ADGRD1: variants seen among roughly 807,000 people sequenced by gnomAD.
ADGRD1 encodes G-protein coupled receptor 133.
ADGRD1 carries 77 observed loss-of-function variants against 113.4 expected under a neutral mutation model. The observed-to-expected ratio is 0.68, with a 90% CI of 0.57 to 0.82. The LOEUF is 0.82. Ranked by LOEUF, ADGRD1 falls within the 40% of genes least tolerant of loss-of-function variation. The probability of loss-of-function intolerance (pLI) is 0.00; values close to 1 mark genes in which losing one functional copy is unlikely to be tolerated. For missense variants in ADGRD1, 1,036 were observed against 1,139.1 expected, an observed-to-expected ratio of 0.91 and a Z score of 1.30; for synonymous variants, 474 against 475.0, an observed-to-expected ratio of 1.00 and a Z score of 0.03.
At chr12:131,102,304 T>C (rs1725806) in intron 15 of ADGRD1, among the ~76,000 whole-genome samples, 45,438 of 152,166 alleles carry the variant, frequency 0.3, 7,491 homozygotes, top group East Asian at 0.66. Context: ...CAGGTGGAGA[T>C]GTTTGTTTCC....
intron 8 of ADGRD1, among the ~76,000 whole-genome samples, chr12:130,996,132 T>C (rs1875289288): frequency 6.6e-6 from 1 of 152,104 alleles, no homozygotes; most frequent in African/African-American, 2.4e-5. Flanking sequence ...GGTAGAAGAA[T>C]TTTTCTTAGT....
Position 131,113,420 on chromosome 12 carries a change from G to T in ADGRD1, c.2041+4543G>T, listed in dbSNP as rs548220732. ...TCCCAGTGAGCACTGGAGGCTCTAG[G>T]TTGGGCTGTGCATTGACACTTAGCA... On this transcript the variant is annotated intron_variant, in intron 18 of 24. Coordinates refer to ENST00000261654, the MANE Select transcript of ADGRD1 (RefSeq NM_198827.5). The surrounding 1 kb of genome is among the most constrained non-coding windows in gnomAD (Gnocchi z 4.9). 6.6e-6 allele frequency among the ~76,000 whole-genome samples: 1 copy of T among 152,230 alleles called. No individual in the cohort carries two copies. The highest frequency in any genetic ancestry group is 2.4e-5 in the African/African-American group (1 of 41,524).
chr12:130,998,526 A>G (rs1481736063), intron 8 of ADGRD1, among the ~76,000 whole-genome samples: 4 of 151,946 alleles, frequency 2.6e-5, no homozygotes, highest in African/African-American at 9.7e-5. Context: ...GTGCAGTGGC[A>G]TGATCTTGGC....
Position 131,040,632 on chromosome 12 carries a change from G to A in ADGRD1, c.1473+26292G>A, listed in dbSNP as rs1362309361. ...GGGCAGCTCAGAAACAGCCCCAGGT[G>A]CACACCTAGGTGAACTGTGATTTTG... On this transcript the variant is annotated intron_variant, in intron 13 of 24. Transcript: ENST00000261654. Among the ~76,000 whole-genome samples, 6 of 152,334 alleles carry A rather than the reference G, an allele frequency of 3.9e-5. No individual in the cohort carries two copies. The South Asian group carries it at 8.3e-4, about 21-fold the overall frequency.
chr12:130,971,431 T>C lies in ADGRD1; in HGVS notation c.188-27T>C, dbSNP rs375909260. ...TTTTAATCTCGGAAGGTTATTAACA[T>C]ATGATGTTGTCATTTTTCTTCCTTA... is the stretch of plus-strand genomic sequence containing the variant. On this transcript the variant is annotated intron_variant, in intron 3 of 24. Transcript: ENST00000261654. This position sits in a 1 kb window ranked among gnomAD's most constrained non-coding sequence, Gnocchi z 4.2. The C allele has an allele frequency of 9.7e-5, 156 of 1,607,894 alleles. No homozygotes were observed. The African/African-American group carries it at 1.8e-3, about 18-fold the overall frequency.
chr12:130,958,906 G>A (rs996429566), intron 2 of ADGRD1, among the ~76,000 whole-genome samples: 4 of 152,344 alleles, frequency 2.6e-5, no homozygotes, highest in African/African-American at 7.2e-5. Context: ...CCCTCGCACC[G>A]CGGGTGGAGA....
At chr12:131,023,177 A>G (rs949697073) in intron 13 of ADGRD1, 4 of 151,416 alleles carry the variant, frequency 2.6e-5, no homozygotes, top group African/African-American at 9.7e-5. Flanking sequence ...TTAGCCTTAC[A>G]CCATGTAGTT....
chr12:131,062,849 G>A (rs1884447807), intron 13 of ADGRD1, among the ~76,000 whole-genome samples: 1 of 152,096 alleles, frequency 6.6e-6, no homozygotes, highest in African/African-American at 2.4e-5. Flanking sequence ...ATTTTCCAGA[G>A]TGTCTGTACC....
rs1220113267 is a variant in ADGRD1 at position 130,981,870 on chromosome 12, G to C, written c.311-14G>C. The stretch of plus-strand genomic sequence containing the variant: ...CTGCTCTCTGTGAATAACTGATCTT[G>C]TGACTTTCCTCAGGGGTCACGTTTT... On this transcript the variant is annotated splice_polypyrimidine_tract_variant and intron_variant, in intron 4 of 24. Transcript: ENST00000261654. The C allele has an allele frequency of 6.3e-7, 1 of 1,596,014 alleles. No individual in the cohort carries two copies. Among genetic ancestry groups the C allele is most frequent in the Admixed American group, 1.7e-5 (1 of 58,782 alleles).
chr12:131,080,319 T>G (rs1885964541), intron 14 of ADGRD1, among the ~76,000 whole-genome samples: 1 of 152,224 alleles, frequency 6.6e-6, no homozygotes, highest in East Asian at 1.9e-4. Flanking sequence ...TAAATAGTTT[T>G]TTTATGATCA....
chr12:130,956,845 C>T (rs1030188654), intron 2 of ADGRD1: 1 of 152,384 alleles, frequency 6.6e-6, no homozygotes, highest in Non-Finnish European at 1.5e-5. Flanking sequence ...CATGCACCAA[C>T]ACAAATCACA....
chr12:131,122,234 G>A (rs190380563), intron 20 of ADGRD1, among the ~76,000 whole-genome samples: 1,587 of 152,234 alleles, frequency 0.01, 19 homozygotes, highest in African/African-American at 0.035. Flanking sequence ...CGAGGGCAGG[G>A]ATCTTTGTGC....
chr12:131,021,292 CT>C (rs1879286138), intron 13 of ADGRD1, among the ~76,000 whole-genome samples: 1 of 152,088 alleles, frequency 6.6e-6, no homozygotes. Context: ...CTCATCTCGG[CT>C]GGCACAGAGC....
intron 13 of ADGRD1, among the ~76,000 whole-genome samples, chr12:131,061,357 C>G (rs945368965): frequency 6.6e-6 from 1 of 152,222 alleles, no homozygotes; most frequent in Admixed American, 6.5e-5. Flanking sequence ...AGGCTTACCA[C>G]TGACTTCCCT....
chr12:131,056,031 G>A (rs1034789409), intron 13 of ADGRD1, among the ~76,000 whole-genome samples: 1 of 152,138 alleles, frequency 6.6e-6, no homozygotes, highest in African/African-American at 2.4e-5. Flanking sequence ...TTACACCCCT[G>A]GGAGCTCCTG....
intron 12 of ADGRD1, among the ~76,000 whole-genome samples, chr12:131,009,224 C>G (rs1042287579): frequency 1.3e-5 from 2 of 152,270 alleles, no homozygotes; most frequent in African/African-American, 4.8e-5. Flanking sequence ...CCTCCTGTGG[C>G]ATACTCCTGT....
chr12:131,015,562 A>T (rs1194774554), intron 13 of ADGRD1, among the ~76,000 whole-genome samples: 3 of 150,598 alleles, frequency 2.0e-5, no homozygotes, highest in Non-Finnish European at 3.0e-5. Flanking sequence ...TTGGAGATGG[A>T]GATGGAGATG....
chr12:130,997,197 C>CCCA (rs1555241602), intron 8 of ADGRD1, among the ~76,000 whole-genome samples: 1 of 143,184 alleles, frequency 7.0e-6, no homozygotes, highest in Admixed American at 6.8e-5. Context: ...GACCCCCCCC[C>CCCA]CCGGACGGGG....
intron 20 of ADGRD1, among the ~76,000 whole-genome samples, chr12:131,125,137 T>G (rs1269679006): frequency 3.3e-5 from 5 of 152,252 alleles, no homozygotes; most frequent in Non-Finnish European, 7.3e-5. Flanking sequence ...CTCACCCTAG[T>G]GACCTCGTTT....
Sources: gnomAD v4.1 joint callset for allele counts (sites outside exome capture counted in the v4.1 genomes callset) on GRCh38, gnomAD v4.1.1 for gene constraint, Gnocchi (gnomAD v3.1) non-coding constraint, MANE v1.5 for transcripts, NCBI Gene and HGNC (gene_info 2026-07-23, HGNC 2026-07-21) for gene names.